NUP160: variants seen among roughly 807,000 people sequenced by gnomAD.
The protein encoded by NUP160 is nuclear pore complex protein Nup160.
Under a neutral mutation model 196.9 loss-of-function variants are expected in NUP160, and 94 were observed. The observed-to-expected ratio is 0.48, with a 90% confidence interval of 0.40 to 0.57. The LOEUF (loss-of-function observed/expected upper bound fraction) is 0.57, where lower values mean the gene tolerates loss of function less well. NUP160 is among the 20% of genes least tolerant of loss of function. The pLI, the probability that NUP160 is intolerant of heterozygous loss-of-function variation, is 0.00. For synonymous variants in NUP160, 605 were observed against 619.7 expected (o/e 0.98, Z 0.35); for missense variants, 1,638 against 1,748.3 (o/e 0.94, Z 1.13).
chr11:47,836,735 T>C (rs1168312263), intron 6 of NUP160, 152 bp downstream of exon 6: 1 of 513,288 alleles, frequency 1.9e-6, no homozygotes, highest in Non-Finnish European at 3.5e-6. Flanking sequence ...ATATGCAAAA[T>C]AAAGCTAAAT....
chr11:47,784,878 A>T, intron 33 of NUP160, 44 bp downstream of exon 33: 1 of 1,424,596 alleles, frequency 7.0e-7, no homozygotes, highest in Non-Finnish European at 9.5e-7. Context: ...ATCCAGAATG[A>T]TAAAGAGTGG....
chr11:47,783,259 A>T, intron 33 of NUP160, 61 bp from the exon 34 acceptor site: 1 of 1,556,024 alleles, frequency 6.4e-7, no homozygotes, highest in Non-Finnish European at 8.7e-7. Flanking sequence ...GTACTGACCA[A>T]AGAATGTTGA....
intron 20 of NUP160, 128 bp from the exon 21 acceptor site, chr11:47,804,746 C>T (rs887621117): frequency 3.4e-6 from 2 of 593,402 alleles, no homozygotes; most frequent in East Asian, 3.2e-5. Context: ...AGTTGGCCAA[C>T]CACATGTTCT....
chr11:47,807,216 G>T, intron 18 of NUP160, 76 bp from the exon 19 acceptor site: 1 of 864,598 alleles, frequency 1.2e-6, no homozygotes, highest in South Asian at 1.5e-5. Flanking sequence ...CTTCTACGAA[G>T]AACACTGTCA....
At chr11:47,828,188 T>C (rs1852008442) in intron 7 of NUP160, among the ~76,000 whole-genome samples, 1 of 152,204 alleles carries the variant, frequency 6.6e-6, no homozygotes, top group Non-Finnish European at 1.5e-5. Context: ...CAAGTGACAT[T>C]ATCTTGTATA....
intron 33 of NUP160, among the ~76,000 whole-genome samples, chr11:47,784,069 A>C (rs2097663125): frequency 6.6e-6 from 1 of 152,128 alleles, no homozygotes; most frequent in South Asian, 2.1e-4. Flanking sequence ...AAACCAAAAA[A>C]AACTTTCCTG....
At chr11:47,800,252 GAA>G (rs1231813653) in intron 23 of NUP160, among the ~76,000 whole-genome samples, 1 of 140,504 alleles carries the variant, frequency 7.1e-6, no homozygotes, top group African/African-American at 2.6e-5. Flanking sequence ...AAAAAAAAAG[GAA>G]AAAAAAAAAA....
At chr11:47,788,989 G>A (rs1464010634) in intron 29 of NUP160, among the ~76,000 whole-genome samples, 1 of 151,640 alleles carries the variant, frequency 6.6e-6, no homozygotes, top group Non-Finnish European at 1.5e-5. Flanking sequence ...TGATTCTCCT[G>A]CCTCAGCCTT....
chr11:47,782,406 A>T (rs1273829840), intron 34 of NUP160, among the ~76,000 whole-genome samples: 1 of 144,404 alleles, frequency 6.9e-6, no homozygotes, highest in African/African-American at 2.5e-5. Flanking sequence ...TTTTCCAATA[A>T]ACCCACTATC....
rs555711057 is a variant in NUP160, at chr11:47,778,522, T to C, written c.*583A>G. The C allele has an allele frequency of 3.1e-3, 481 of 152,748 alleles. 1 individual carries two copies. Among genetic ancestry groups the C allele is most frequent in the South Asian group, 7.9e-3 (38 of 4,828 alleles). 9.5% of individuals were successfully genotyped at this position (152,748 alleles called of 1,614,324 possible). ...TTAGCTCAGAACCAGATTCAAAATA[T>C]CTTCTTTAATTAGCTGGTCATCATT... On this transcript the variant is annotated 3_prime_UTR_variant, in exon 36 of 36. Transcript: ENST00000378460.
chr11:47,799,460 A>G (rs1391066914), intron 23 of NUP160, among the ~76,000 whole-genome samples: 2 of 152,138 alleles, frequency 1.3e-5, no homozygotes, highest in East Asian at 3.9e-4. Flanking sequence ...CCTATCTCAT[A>G]TACGTGCAAT....
intron 19 of NUP160, 36 bp from the exon 20 acceptor site, chr11:47,806,348 G>A: frequency 1.3e-6 from 2 of 1,499,970 alleles, no homozygotes; most frequent in Non-Finnish European, 1.8e-6. Flanking sequence ...TTTGTGTAGT[G>A]GTAATTATCA....
At chr11:47,831,649 G>A (rs1020193954) in intron 7 of NUP160, among the ~76,000 whole-genome samples, 2 of 151,488 alleles carry the variant, frequency 1.3e-5, no homozygotes, top group Non-Finnish European at 2.9e-5. Flanking sequence ...AGACCAGCCT[G>A]GCCAATATGG....
intron 26 of NUP160, 44 bp from the exon 27 acceptor site, chr11:47,797,928 A>G: frequency 1.3e-6 from 2 of 1,559,902 alleles, no homozygotes; most frequent in Non-Finnish European, 8.8e-7. Context: ...AGTAGCAATC[A>G]TGGCAACCAC....
At chr11:47,848,446 C>A in exon 1 of NUP160, 2 of 1,496,540 alleles carry the variant, frequency 1.3e-6, no homozygotes, top group Non-Finnish European at 8.9e-7. Context: ...GCGGCTCCGG[C>A]CCTTCGTTGC....
At chr11:47,805,680 T>C (rs905141421) in intron 20 of NUP160, among the ~76,000 whole-genome samples, 1 of 149,924 alleles carries the variant, frequency 6.7e-6, no homozygotes, top group African/African-American at 2.5e-5. Context: ...TCTCCTGACC[T>C]CGTGATCTGC....
At chr11:47,804,306 C>T (rs1350867672) in intron 21 of NUP160, 3 of 403,794 alleles carry the variant, frequency 7.4e-6, no homozygotes, top group African/African-American at 2.1e-5. Context: ...CCTTTAGAAC[C>T]AGGTATTCTC....
exon 2 of NUP160, chr11:47,847,876 A>G (rs750722505): frequency 6.2e-7 from 1 of 1,613,884 alleles, no homozygotes. Context: ...CTGGTTACGG[A>G]GAACAACTTG....
chr11:47,820,708 C>T (rs190923676), intron 9 of NUP160, among the ~76,000 whole-genome samples: 7 of 152,064 alleles, frequency 4.6e-5, no homozygotes, highest in Admixed American at 3.3e-4. Flanking sequence ...CATACCACCA[C>T]GCCCGGCTAA....
Sources: allele counts gnomAD v4.1 joint callset (sites outside exome capture counted in the v4.1 genomes callset), GRCh38; gene constraint gnomAD v4.1.1; transcripts MANE v1.5; gene names NCBI Gene and HGNC (gene_info 2026-07-23, HGNC 2026-07-21).